ATP2C1: variants seen among roughly 807,000 people sequenced by gnomAD.
The protein encoded by ATP2C1 is calcium-transporting ATPase type 2C member 1.
Under a neutral mutation model 120.5 loss-of-function variants are expected in ATP2C1, and 31 were observed. That is an observed-to-expected ratio of 0.26 (90% confidence interval 0.19 to 0.35). ATP2C1 has a LOEUF of 0.35. Among genes scored for constraint, ATP2C1 ranks in the 10% least tolerant of loss-of-function variants. The pLI is 1.00. For synonymous variants in ATP2C1, 351 were observed against 358.7 expected (o/e 0.98, Z 0.24); for missense variants, 731 against 1,107.5 (o/e 0.66, Z 4.83).
At chr3:130,983,275 G>GCTAT (rs2061851782) in intron 20 of ATP2C1, among the ~76,000 whole-genome samples, 1 of 152,114 alleles carries the variant, frequency 6.6e-6, no homozygotes, top group Non-Finnish European at 1.5e-5. Context: ...CCTTATGAAA[G>GCTAT]ATAGGCAGCA....
intron 21 of ATP2C1, 85 bp from the exon 22 acceptor site, chr3:130,993,847 T>G: frequency 1.5e-6 from 2 of 1,367,670 alleles, no homozygotes. Context: ...GTGAAAAAAA[T>G]AGGGAGGATT....
intron 20 of ATP2C1, among the ~76,000 whole-genome samples, chr3:130,988,932 G>A (rs2062157388): frequency 6.6e-6 from 1 of 152,026 alleles, no homozygotes; most frequent in Non-Finnish European, 1.5e-5. Context: ...ATGGCATCTG[G>A]TAGTGTTACC....
intron 16 of ATP2C1, among the ~76,000 whole-genome samples, chr3:130,968,027 T>A (rs2061132202): frequency 6.6e-6 from 1 of 152,142 alleles, no homozygotes; most frequent in African/African-American, 2.4e-5. Flanking sequence ...ATTCCTACCT[T>A]TAAGAGTATT....
chr3:130,921,195 C>T (rs543581), intron 2 of ATP2C1, among the ~76,000 whole-genome samples: 68,339 of 151,142 alleles, frequency 0.45, 18,316 homozygotes, highest in Middle Eastern at 0.63. Flanking sequence ...GATTCTCCTG[C>T]CTCAGCCTCC....
intron 2 of ATP2C1, among the ~76,000 whole-genome samples, chr3:130,905,764 G>C (rs2058092252): frequency 6.6e-6 from 1 of 152,010 alleles, no homozygotes. Flanking sequence ...GACTGGATTT[G>C]CTTAAGGTTG....
chr3:131,014,089 C>CT (rs1461194229), intron 26 of ATP2C1: 4 of 1,601,598 alleles, frequency 2.5e-6, no homozygotes, highest in African/African-American at 2.7e-5. Context: ...CTATGTTCCT[C>CT]TAAGTTTTCA....
chr3:130,962,818 A>G (rs1012340629), intron 12 of ATP2C1: 1 of 151,738 alleles, frequency 6.6e-6, no homozygotes, highest in Non-Finnish European at 1.5e-5. Flanking sequence ...AGTATTAATG[A>G]TAATACATAT....
intron 8 of ATP2C1, among the ~76,000 whole-genome samples, chr3:130,942,006 TACTC>T (rs751796534): frequency 8.5e-5 from 13 of 152,340 alleles, no homozygotes; most frequent in Non-Finnish European, 1.2e-4. Flanking sequence ...GTACACAAAT[TACTC>T]ACCATAAAAT....
chr3:130,981,063 A>G (rs1249928337), intron 20 of ATP2C1, among the ~76,000 whole-genome samples: 1 of 152,132 alleles, frequency 6.6e-6, no homozygotes. Context: ...TACAATTTAC[A>G]TATAGTAAAA....
At chr3:130,936,709 C>T (rs1035194982) in intron 5 of ATP2C1, among the ~76,000 whole-genome samples, 8 of 148,728 alleles carry the variant, frequency 5.4e-5, no homozygotes, top group East Asian at 2.1e-4. Context: ...CCCAGCTACT[C>T]GGGAGGCTGA....
chr3:131,003,094 G>A lies in ATP2C1; in HGVS notation c.*1744G>A. The A allele has an allele frequency of 3.0e-6, 3 of 984,744 alleles. No homozygotes were observed. The highest frequency in any genetic ancestry group is 3.6e-6 in the Non-Finnish European group (3 of 828,922). The allele number at this position is 984,744 out of a possible 1,614,324, so 61.0% of individuals were successfully genotyped here. ...AGATTATGACTTGATTGAAATAAATGTGCCTATACATTCATTTGCTTTGTA... is the reference window on the plus strand; with the variant it reads ...AGATTATGACTTGATTGAAATAAATATGCCTATACATTCATTTGCTTTGTA... On this transcript the variant is annotated 3_prime_UTR_variant, in exon 28 of 28. Transcript: ENST00000510168.
chr3:130,971,037 C>A (rs987982812), intron 17 of ATP2C1, among the ~76,000 whole-genome samples: 1 of 152,146 alleles, frequency 6.6e-6, no homozygotes, highest in African/African-American at 2.4e-5. Flanking sequence ...TCACTTTAAA[C>A]GTTTTAATGT....
chr3:130,934,740 T>C, intron 5 of ATP2C1, 29 bp downstream of exon 5: 2 of 1,427,974 alleles, frequency 1.4e-6, no homozygotes, highest in Non-Finnish European at 2.0e-6. Flanking sequence ...ATTTTTAATC[T>C]GTTGAGTAAG....
At position 131,001,690 on chromosome 3, in the gene ATP2C1, TA is replaced by T. The variant is rs1363619160; in HGVS notation, c.*341del. On this transcript the variant is annotated 3_prime_UTR_variant, in exon 28 of 28. Transcript: ENST00000510168. ...ATACACTATCTATCTTAGATAGATATATTTTTTTTTATTTTTAAATATTGTA... is the reference window on the plus strand; with the variant it reads ...ATACACTATCTATCTTAGATAGATATTTTTTTTTTATTTTTAAATATTGTA... The T allele has an allele frequency of 2.7e-5, 26 of 960,480 alleles. No homozygotes were observed. The highest frequency in any genetic ancestry group is 2.4e-4 in the Admixed American group (4 of 16,478). The allele number at this position is 960,480 out of a possible 1,614,324, so 59.5% of individuals were successfully genotyped here.
At chr3:130,974,918 C>T (rs533789140) in intron 17 of ATP2C1, among the ~76,000 whole-genome samples, 3 of 152,104 alleles carry the variant, frequency 2.0e-5, no homozygotes, top group East Asian at 1.9e-4. Context: ...AGAAAAAGTG[C>T]GATAATACCC....
At chr3:130,865,644 A>G (rs1206908581) in intron 1 of ATP2C1, among the ~76,000 whole-genome samples, 1 of 152,222 alleles carries the variant, frequency 6.6e-6, no homozygotes, top group Non-Finnish European at 1.5e-5. Context: ...ATGATAATGA[A>G]TAAGTCTCAC....
At chr3:130,900,440 TTTAC>T (rs2057765953) in intron 2 of ATP2C1, among the ~76,000 whole-genome samples, 1 of 151,990 alleles carries the variant, frequency 6.6e-6, no homozygotes, top group Admixed American at 6.6e-5. Context: ...CATTTATTTA[TTTAC>T]TTACTTAAAA....
upstream of ATP2C1, among the ~76,000 whole-genome samples, chr3:130,890,836 T>C (rs548990303): frequency 2.0e-4 from 30 of 151,218 alleles, no homozygotes; most frequent in Non-Finnish European, 3.7e-4. Flanking sequence ...CTTTATCTTA[T>C]AAGAAGAAAA....
intron 2 of ATP2C1, among the ~76,000 whole-genome samples, chr3:130,913,308 A>T (rs2108149169): frequency 6.6e-6 from 1 of 152,298 alleles, no homozygotes; most frequent in South Asian, 2.1e-4. Flanking sequence ...CAAGGTGGGT[A>T]TCCCTCTCCA....
Sources: gnomAD v4.1 joint callset for allele counts (sites outside exome capture counted in the v4.1 genomes callset) on GRCh38, gnomAD v4.1.1 for gene constraint, MANE v1.5 for transcripts, NCBI Gene and HGNC (gene_info 2026-07-23, HGNC 2026-07-21) for gene names.